Variants in POLD3 observed in about 807,000 individuals in gnomAD.
POLD3 encodes DNA polymerase delta 3, accessory subunit.
POLD3 carries 19 observed loss-of-function variants against 58.2 expected under a neutral mutation model. The observed-to-expected ratio is 0.33, with a 90% CI of 0.23 to 0.48. POLD3 has a LOEUF of 0.48. POLD3 is among the 20% of genes least tolerant of loss of function. The probability of loss-of-function intolerance (pLI) is 0.99; values close to 1 mark genes in which losing one functional copy is unlikely to be tolerated. For missense variants in POLD3, 504 were observed against 545.5 expected, an observed-to-expected ratio of 0.92 and a Z score of 0.76; for synonymous variants, 172 against 193.5, an observed-to-expected ratio of 0.89 and a Z score of 0.92.
At chr11:74,605,932 AAATT>A (rs771594959) in intron 3 of POLD3, among the ~76,000 whole-genome samples, 8 of 152,162 alleles carry the variant, frequency 5.3e-5, no homozygotes, top group Non-Finnish European at 1.2e-4. Context: ...AAAAATACAA[AAATT>A]AGCCAGGCAT....
Position 74,607,246 on chromosome 11 carries a change from ATTTATT to A in POLD3, c.219+2454_219+2459del, listed in dbSNP as rs1269677559. On this transcript the variant is annotated intron_variant, in intron 3 of 11. Coordinates refer to ENST00000263681, the MANE Select transcript of POLD3 (RefSeq NM_006591.3). Reference sequence around the variant, plus strand: ...ATGGAATTTATTATTATTATTATATATTTATTTATTTATTTATTTATTTATTTATTT... The same window carrying A: ...ATGGAATTTATTATTATTATTATATATATTTATTTATTTATTTATTTATTT... Among the ~76,000 whole-genome samples, 1,223 of 141,966 alleles carry A rather than the reference ATTTATT, an allele frequency of 8.6e-3. 14 individuals are homozygous for A. Among genetic ancestry groups the A allele is most frequent in the African/African-American group, 0.032 (1,164 of 36,692 alleles). 93.1% of individuals were successfully genotyped at this position (141,966 alleles called of 152,430 possible).
At chr11:74,639,812 G>A (rs1193686059) in intron 11 of POLD3, among the ~76,000 whole-genome samples, 1 of 152,184 alleles carries the variant, frequency 6.6e-6, no homozygotes, top group Non-Finnish European at 1.5e-5. Context: ...TTATGCCTTC[G>A]GCTGATAGGG....
At chr11:74,592,899 C>T (rs1423393412) in intron 1 of POLD3, 181 bp downstream of exon 1, 28 of 1,434,366 alleles carry the variant, frequency 2.0e-5, no homozygotes, top group Non-Finnish European at 6.4e-6. Context: ...TCGGGAAGGT[C>T]CTCCAGCACA....
chr11:74,648,678 G>C (rs904315693), intron 4 of POLD3, among the ~76,000 whole-genome samples: 2 of 152,186 alleles, frequency 1.3e-5, no homozygotes, highest in African/African-American at 4.8e-5. Flanking sequence ...TGGCTATGAG[G>C]CCATATAAGT....
chr11:74,609,037 A>G (rs1374247926), intron 3 of POLD3, among the ~76,000 whole-genome samples: 1 of 152,180 alleles, frequency 6.6e-6, no homozygotes. Context: ...ATTAACAAAA[A>G]TATCTATTTG....
At chr11:74,624,116 T>C (rs2032354890) in intron 7 of POLD3, among the ~76,000 whole-genome samples, 1 of 152,102 alleles carries the variant, frequency 6.6e-6, no homozygotes, top group Non-Finnish European at 1.5e-5. Context: ...ATTAAAACAA[T>C]ATAATTTATG....
intron 8 of POLD3, chr11:74,628,779 A>G (rs1591312016): frequency 6.6e-6 from 1 of 152,662 alleles, no homozygotes; most frequent in Non-Finnish European, 1.5e-5. Flanking sequence ...AGTTAAATCT[A>G]CCACATTGCC....
At chr11:74,601,509 A>G (rs1198024698) in intron 2 of POLD3, among the ~76,000 whole-genome samples, 1 of 152,188 alleles carries the variant, frequency 6.6e-6, no homozygotes, top group Non-Finnish European at 1.5e-5. Context: ...CTCATTGTCT[A>G]GGCATGATGG....
chr11:74,667,018 T>A (rs527997390), intron 4 of POLD3, among the ~76,000 whole-genome samples: 2 of 150,788 alleles, frequency 1.3e-5, no homozygotes, highest in East Asian at 3.9e-4. Context: ...GAAAGAATAG[T>A]CTTTCCAACA....
intron 4 of POLD3, among the ~76,000 whole-genome samples, chr11:74,658,183 C>G (rs909228977): frequency 1.3e-5 from 2 of 152,182 alleles, no homozygotes; most frequent in Non-Finnish European, 2.9e-5. Context: ...GCACTTCTTA[C>G]ATGGCAGCAG....
chr11:74,615,209 A>G (rs2032047689), intron 5 of POLD3, among the ~76,000 whole-genome samples: 1 of 152,226 alleles, frequency 6.6e-6, no homozygotes, highest in South Asian at 2.1e-4. Context: ...ATAGGGTTGT[A>G]GAGGATTAAA....
In POLD3 at chr11:74,611,532, T is replaced by C. The variant is rs2031910334; in HGVS notation, c.253T>C (p.Leu85=). The change falls in exon 4 of 12, where the codon TTG becomes CTG. Residue 85 remains leucine, a synonymous_variant. Coordinates refer to ENST00000263681, the MANE Select transcript of POLD3 (RefSeq NM_006591.3). ...GGTTGCAGTAGTGAGAGAAGATAAA[T>C]TGGAAGGTAAGTGTTTTAGTGACTT... ...HKVAVVREDK[L]EAVKSKLAVT... The C allele has an allele frequency of 6.4e-7, 1 of 1,565,228 alleles. No homozygotes were observed. The highest frequency in any genetic ancestry group is 1.2e-5 in the South Asian group (1 of 86,828).
rs180980738 is a variant in POLD3, at chr11:74,604,743, A to G, written c.168A>G (p.Gln56=). The stretch of plus-strand genomic sequence containing the variant: ...AACGAAAAGAAAATTCAGGAGCCCA[A>G]CTGCATGTTACCTACTTGGTGTCTG... ...ERKRKENSGA[Q]LHVTYLVSGS... Residue 56 remains glutamine (Q), a synonymous_variant, in exon 3 of 12, where the codon CAA becomes CAG. Coordinates refer to ENST00000263681, the MANE Select transcript of POLD3 (RefSeq NM_006591.3). 9.3e-6 allele frequency: 15 copies of G among 1,611,658 alleles called. No homozygotes were observed. Among genetic ancestry groups the G allele is most frequent in the Admixed American group, 3.3e-5 (2 of 60,018 alleles).
chr11:74,621,985 G>C (rs545177414), intron 7 of POLD3, among the ~76,000 whole-genome samples: 1 of 151,700 alleles, frequency 6.6e-6, no homozygotes, highest in Middle Eastern at 3.2e-3. Flanking sequence ...TCGTCATTTA[G>C]CACTAGGTAT....
chr11:74,594,605 T>C, intron 2 of POLD3, among the ~76,000 whole-genome samples: 1 of 152,258 alleles, frequency 6.6e-6, no homozygotes, highest in East Asian at 1.9e-4. Context: ...GTATAAAACA[T>C]TCATCTATAA....
In POLD3 at chr11:74,641,430, T is replaced by C. The variant is rs1182368815; in HGVS notation, c.*664T>C. 6.1e-6 allele frequency: 6 copies of C among 985,280 alleles called. No individual in the cohort carries two copies. Among genetic ancestry groups the C allele is most frequent in the Admixed American group, 6.1e-5 (1 of 16,262 alleles). The allele number at this position is 985,280 out of a possible 1,614,324, so 61.0% of individuals were successfully genotyped here. A position where few individuals can be genotyped will look rare whatever the true frequency, so the allele number is the denominator to read the frequency against. The stretch of plus-strand genomic sequence containing the variant: ...CTCTGGGACCTTCACTTGCAATTAG[T>C]GGTTAGGGAAAAGCCTCAGGCAGAA... On this transcript the variant is annotated 3_prime_UTR_variant, in exon 12 of 12. Coordinates refer to ENST00000263681, the MANE Select transcript of POLD3 (RefSeq NM_006591.3).
intron 4 of POLD3, among the ~76,000 whole-genome samples, chr11:74,664,910 G>A (rs1209601946): frequency 6.6e-6 from 1 of 151,712 alleles, no homozygotes; most frequent in Non-Finnish European, 1.5e-5. Flanking sequence ...GACCAGCCTG[G>A]CCAACATGCT....
At chr11:74,661,223 A>G (rs924148898) in intron 4 of POLD3, among the ~76,000 whole-genome samples, 2 of 152,028 alleles carry the variant, frequency 1.3e-5, no homozygotes, top group African/African-American at 4.8e-5. Flanking sequence ...TCATTTGATA[A>G]TGTCATGTTT....
At position 74,614,451 on chromosome 11, in the gene POLD3, C is replaced by T. The variant is rs2032017014; in HGVS notation, c.392+1441C>T. On this transcript the variant is annotated intron_variant, in intron 5 of 11. Transcript: ENST00000263681. ...TTTGGCCGGGCACAGTGGCTCACGC[C>T]TGTAATCCCAGCACTTTGGGAGGCC... is the stretch of plus-strand genomic sequence containing the variant. Among the ~76,000 whole-genome samples, 8 of 152,220 alleles carry T rather than the reference C, an allele frequency of 5.3e-5. No individual in the cohort carries two copies. The South Asian group carries it at 1.7e-3, about 32-fold the overall frequency.
Sources: allele counts gnomAD v4.1 joint callset (sites outside exome capture counted in the v4.1 genomes callset), GRCh38; gene constraint gnomAD v4.1.1; transcripts MANE v1.5; gene names NCBI Gene and HGNC (gene_info 2026-07-23, HGNC 2026-07-21).